UBN1: variants seen among roughly 807,000 people sequenced by gnomAD.
UBN1 encodes the protein ubinuclein-1.
Under a neutral mutation model 108.5 loss-of-function variants are expected in UBN1, and 17 were observed. The ratio of observed to expected loss-of-function variants is 0.16; its 90% confidence interval spans 0.11 to 0.24. The LOEUF is 0.24. Ranked by LOEUF, UBN1 falls within the 10% of genes least tolerant of loss-of-function variation. UBN1 has a pLI of 1.00. For missense variants in UBN1, 1,595 were observed against 1,394.4 expected (o/e 1.14, Z -2.29); for synonymous variants, 726 against 564.2 (o/e 1.29, Z -4.07).
intron 13 of UBN1, 30 bp downstream of exon 13, chr16:4,872,964 G>A (rs1179320472): frequency 6.2e-7 from 1 of 1,614,214 alleles, no homozygotes; most frequent in Non-Finnish European, 8.5e-7. Flanking sequence ...CACATCTCGG[G>A]ACAAGTGTTG....
intron 8 of UBN1, among the ~76,000 whole-genome samples, chr16:4,869,627 C>A (rs556960256): frequency 6.6e-6 from 1 of 152,182 alleles, no homozygotes; most frequent in African/African-American, 2.4e-5. Flanking sequence ...CCTGGATTGG[C>A]CCCTTGGGTC....
At chr16:4,858,125 G>C (rs1424296636) in intron 3 of UBN1, 49 bp downstream of exon 3, 2 of 1,220,502 alleles carry the variant, frequency 1.6e-6, no homozygotes, top group Non-Finnish European at 2.4e-6. Context: ...GGTGGGAGAC[G>C]TTTCCACACT....
Position 4,878,780 on chromosome 16 carries a change from G to A in UBN1, c.3356-1303G>A, listed in dbSNP as rs201582256. On this transcript the variant is annotated intron_variant, in intron 17 of 17. Coordinates refer to ENST00000262376, the MANE Select transcript of UBN1 (RefSeq NM_001079514.3). ...AATCCCAGCACTTTGGGAGGCCAAG[G>A]CAGGAGGATTGCCTGAGTCCAGGAG... is the stretch of plus-strand genomic sequence containing the variant. Among the ~76,000 whole-genome samples, 8 of 152,336 alleles carry A rather than the reference G, an allele frequency of 5.3e-5. No homozygotes were observed. The East Asian group carries it at 1.2e-3, about 22-fold the overall frequency.
intron 1 of UBN1, among the ~76,000 whole-genome samples, chr16:4,850,250 T>C (rs1452894864): frequency 1.3e-5 from 2 of 152,218 alleles, no homozygotes; most frequent in African/African-American, 4.8e-5. Context: ...CCTGTAGTCC[T>C]ATTTTTTACC....
In UBN1 at chr16:4,874,865, C is replaced by A. The variant is rs1324030022; in HGVS notation, c.2455C>A (p.Pro819Thr). The change falls in exon 15 of 18, where the codon CCC becomes ACC. Residue 819 changes from proline (P) to threonine (T), a missense_variant. Pro to Thr is a conservative substitution (Grantham distance 38). Transcript: ENST00000262376. The stretch of plus-strand genomic sequence containing the variant: ...CACTCAGCAGCAGAAAAACTTCACG[C>A]CCCCATCTCCATTTGCCAATAAGCT... ...AGTQQQKNFTPPSPFANKLQG... is the reference protein window; with the variant it reads ...AGTQQQKNFTTPSPFANKLQG... 11 of 1,613,946 alleles carry A rather than the reference C, an allele frequency of 6.8e-6. No homozygotes were observed. Among genetic ancestry groups the A allele is most frequent in the African/African-American group, 1.3e-5 (1 of 74,936 alleles).
rs775664220 is a variant in UBN1, at chr16:4,874,902, A to T, written c.2492A>T (p.Lys831Met). ...TTTGCCAATAAGCTCCAAGGCCCAA[A>T]GGCTTCTCCCACACAGTGTCATCGT... Reference protein sequence around the residue: ...SPFANKLQGPKASPTQCHRSL... With the variant: ...SPFANKLQGPMASPTQCHRSL... Residue 831 changes from lysine (K) to methionine (M), a missense_variant, in exon 15 of 18, where the codon AAG becomes ATG. Lys to Met is a moderately conservative substitution (Grantham distance 95, BLOSUM62 -1). Transcript: ENST00000262376. The T allele has an allele frequency of 6.2e-7, 1 of 1,614,154 alleles. No individual in the cohort carries two copies. The highest frequency in any genetic ancestry group is 1.7e-5 in the Admixed American group (1 of 60,030).
intron 7 of UBN1, among the ~76,000 whole-genome samples, chr16:4,863,153 A>G (rs9931084): frequency 0.19 from 28,473 of 152,184 alleles, 3,398 homozygotes; most frequent in African/African-American, 0.33. Context: ...ATATGTTTTT[A>G]TGCAGCTGTA....
rs1283273369 is a variant in UBN1 at position 4,880,854 on chromosome 16, A to G, written c.*722A>G. The G allele has an allele frequency of 2.0e-5, 3 of 152,596 alleles. No individual in the cohort carries two copies. The highest frequency in any genetic ancestry group is 2.4e-5 in the African/African-American group (1 of 41,456). The allele number at this position is 152,596 out of a possible 1,614,324, so 9.5% of individuals were successfully genotyped here. A position where few individuals can be genotyped will look rare whatever the true frequency, so the allele number is the denominator to read the frequency against. On this transcript the variant is annotated 3_prime_UTR_variant, in exon 18 of 18. Transcript: ENST00000262376. ...AGAAGGGGACTGTTCTTCACACATC[A>G]TATTATAGGAAGACATAATTCCAGT... is the stretch of plus-strand genomic sequence containing the variant.
intron 7 of UBN1, among the ~76,000 whole-genome samples, chr16:4,862,216 T>C (rs1013981260): frequency 6.6e-6 from 1 of 152,258 alleles, no homozygotes; most frequent in Non-Finnish European, 1.5e-5. Flanking sequence ...AGAAGCATTG[T>C]TACCTATAAT....
At chr16:4,876,776 GAC>G (rs2087905715) in intron 15 of UBN1, 93 bp from the exon 16 acceptor site, 12 of 1,506,704 alleles carry the variant, frequency 8.0e-6, no homozygotes, top group Non-Finnish European at 1.1e-5. Context: ...CTCCTTTGTG[GAC>G]ACACAAGGAG....
At chr16:4,872,425 C>T (rs1314296826) in intron 12 of UBN1, 8 of 911,708 alleles carry the variant, frequency 8.8e-6, no homozygotes, top group South Asian at 1.0e-4. Context: ...GAATTTGGCT[C>T]CCCAATCCAT....
rs1325198841 is a variant in UBN1, at chr16:4,880,086, C to T, written c.3359C>T (p.Ala1120Val). 1 of 1,614,000 alleles carries T rather than the reference C, an allele frequency of 6.2e-7. No homozygotes were observed. Among genetic ancestry groups the T allele is most frequent in the Admixed American group, 1.7e-5 (1 of 60,000 alleles). The change falls in exon 18 of 18, where the codon GCT (alanine) becomes GTT (valine). Residue 1120 changes from alanine to valine, a missense_variant. By Grantham distance (64) the Ala-to-Val change is moderately conservative. This residue lies in a region of UBN1 where 1,398 missense variants were observed against 1,194.7 expected (regional missense o/e 1.17). Transcript: ENST00000262376. ...AATTTTTCTTACTCTTTTCCAGGTG[C>T]TTCTCAGCTTCACGGGAAAGGGCCT... ...PTHIPQSLPGASQLHGKGPAV... is the reference protein window; with the variant it reads ...PTHIPQSLPGVSQLHGKGPAV...
intron 2 of UBN1, among the ~76,000 whole-genome samples, chr16:4,856,438 A>T (rs2086813914): frequency 6.6e-6 from 1 of 152,236 alleles, no homozygotes; most frequent in Admixed American, 6.5e-5. Context: ...GCATTGTGCT[A>T]GACTCAGAGG....
At chr16:4,876,816 G>T in intron 15 of UBN1, 55 bp from the exon 16 acceptor site, 2 of 1,528,610 alleles carry the variant, frequency 1.3e-6, no homozygotes, top group South Asian at 2.6e-5. Context: ...GGTTTGGTGT[G>T]AGTGAGCCAC....
chr16:4,850,084 C>T (rs1418737111), intron 1 of UBN1, among the ~76,000 whole-genome samples: 1 of 151,524 alleles, frequency 6.6e-6, no homozygotes, highest in Non-Finnish European at 1.5e-5. Flanking sequence ...TTTTCTTAAG[C>T]ATTTTGAATT....
chr16:4,855,221 G>A (rs964826145), intron 2 of UBN1, among the ~76,000 whole-genome samples: 3 of 152,180 alleles, frequency 2.0e-5, no homozygotes, highest in Non-Finnish European at 4.4e-5. Context: ...CTAGCAGTAT[G>A]CCTCAGTGCC....
Position 4,870,192 on chromosome 16 carries a change from G to A in UBN1, c.1182-20G>A. ...GTTGCAGTGAGCTGCAGCCGGTGGT[G>A]ACTGTGTTTTGTTCTTCAGCATAGA... On this transcript the variant is annotated intron_variant, in intron 8 of 17. Transcript: ENST00000262376. The A allele has an allele frequency of 1.2e-6, 2 of 1,613,890 alleles. No homozygotes were observed.
chr16:4,865,277 GT>G (rs1211788351), intron 7 of UBN1, among the ~76,000 whole-genome samples: 1 of 152,112 alleles, frequency 6.6e-6, no homozygotes, highest in Non-Finnish European at 1.5e-5. Flanking sequence ...AATTCAAAAG[GT>G]TTACAGAAAA....
chr16:4,864,074 C>T (rs1184533400), intron 7 of UBN1, among the ~76,000 whole-genome samples: 1 of 122,818 alleles, frequency 8.1e-6, no homozygotes, highest in Non-Finnish European at 1.7e-5. Flanking sequence ...GTTGTTGTTG[C>T]CTTTTTTTTT....
Sources: gnomAD v4.1 joint callset for allele counts (sites outside exome capture counted in the v4.1 genomes callset) on GRCh38, gnomAD v4.1.1 for gene constraint, gnomAD v4.1.1 regional missense constraint, MANE v1.5 for transcripts, NCBI Gene and HGNC (gene_info 2026-07-23, HGNC 2026-07-21) for gene names.